CNTN5: variants seen among roughly 807,000 people sequenced by gnomAD.
CNTN5 encodes the protein contactin 5, also known as contactin-5.
In CNTN5, 77 loss-of-function variants were observed where a neutral mutation model predicts 129.1. The ratio of observed to expected loss-of-function variants is 0.60; its 90% CI spans 0.50 to 0.72. The LOEUF (loss-of-function observed/expected upper bound fraction) is 0.72, where lower values mean the gene tolerates loss of function less well. CNTN5 is among the 30% of genes least tolerant of loss of function. The probability of loss-of-function intolerance (pLI) is 0.00; values close to 1 mark genes in which losing one functional copy is unlikely to be tolerated. For synonymous variants in CNTN5, 509 were observed against 465.6 expected (o/e 1.09, Z -1.20); for missense variants, 1,478 against 1,328.8 (o/e 1.11, Z -1.75).
intron 15 of CNTN5, among the ~76,000 whole-genome samples, chr11:100,197,217 T>C (rs373483064): frequency 6.6e-6 from 1 of 151,916 alleles, no homozygotes; most frequent in Non-Finnish European, 1.5e-5. Context: ...AGTGAGGGTG[T>C]ATAGTAGACA....
intron 2 of CNTN5, among the ~76,000 whole-genome samples, chr11:99,433,659 G>A (rs1943489081): frequency 1.3e-5 from 2 of 152,064 alleles, no homozygotes; most frequent in African/African-American, 4.8e-5. Flanking sequence ...ATGAAACAGA[G>A]TGATTCAATA....
chr11:99,377,269 A>T (rs1396471956), intron 2 of CNTN5, among the ~76,000 whole-genome samples: 1 of 151,996 alleles, frequency 6.6e-6, no homozygotes, highest in Non-Finnish European at 1.5e-5. Context: ...TAGTATCTTT[A>T]TATTTTTCTT....
chr11:99,585,572 T>G (rs192690616), intron 3 of CNTN5, among the ~76,000 whole-genome samples: 1 of 152,282 alleles, frequency 6.6e-6, no homozygotes. Flanking sequence ...CATAATTTTA[T>G]TTTTTCAGTA....
intron 1 of CNTN5, among the ~76,000 whole-genome samples, chr11:99,252,216 C>T (rs1475248522): frequency 1.3e-5 from 2 of 151,848 alleles, no homozygotes; most frequent in African/African-American, 4.8e-5. Context: ...TCGTATACAC[C>T]CTTTTTATGC....
chr11:99,674,567 G>C (rs1339026299), intron 3 of CNTN5, among the ~76,000 whole-genome samples: 3 of 152,044 alleles, frequency 2.0e-5, no homozygotes, highest in Non-Finnish European at 4.4e-5. Context: ...CAGAACCTCT[G>C]GTTGCCTTTG....
intron 8 of CNTN5, among the ~76,000 whole-genome samples, chr11:99,970,390 A>T (rs533087694): frequency 3.3e-5 from 5 of 152,308 alleles, no homozygotes; most frequent in African/African-American, 1.2e-4. Context: ...TTTAAACTAC[A>T]ATCTATTTGC....
At chr11:99,461,333 A>G (rs1042090667) in intron 2 of CNTN5, among the ~76,000 whole-genome samples, 14 of 152,180 alleles carry the variant, frequency 9.2e-5, no homozygotes, top group African/African-American at 2.9e-4. Context: ...GAACTGCCGT[A>G]GGTTTGTCGT....
At chr11:100,303,031 C>T (rs916361851) in intron 20 of CNTN5, among the ~76,000 whole-genome samples, 1 of 151,502 alleles carries the variant, frequency 6.6e-6, no homozygotes, top group Non-Finnish European at 1.5e-5. Flanking sequence ...TGCTAACACC[C>T]GTAAGCCTTT....
chr11:99,733,226 G>A (rs558383294), intron 3 of CNTN5, among the ~76,000 whole-genome samples: 1 of 151,714 alleles, frequency 6.6e-6, no homozygotes, highest in South Asian at 2.1e-4. Context: ...GGGAGGCTGA[G>A]GCAGAGAACT....
intron 17 of CNTN5, 83 bp downstream of exon 17, chr11:100,256,001 AT>A (rs1950061434): frequency 1.3e-5 from 15 of 1,177,368 alleles, no homozygotes; most frequent in Middle Eastern, 2.1e-4. Flanking sequence ...TCTTACTATG[AT>A]TTTTTTGGAT....
chr11:100,053,722 A>G (rs1943081124), intron 9 of CNTN5, among the ~76,000 whole-genome samples: 1 of 151,782 alleles, frequency 6.6e-6, no homozygotes. Context: ...TATGCTTTTT[A>G]CTTACCCCAA....
intron 2 of CNTN5, among the ~76,000 whole-genome samples, chr11:99,412,180 A>G (rs921414032): frequency 2.0e-5 from 3 of 152,198 alleles, no homozygotes; most frequent in Admixed American, 1.3e-4. Flanking sequence ...AAGAAGGCAA[A>G]TGACAAAGTT....
intron 13 of CNTN5, among the ~76,000 whole-genome samples, chr11:100,110,960 A>T: frequency 6.6e-6 from 1 of 152,086 alleles, no homozygotes; most frequent in Non-Finnish European, 1.5e-5. Flanking sequence ...AGAGATTTCA[A>T]GTCCTGTCCT....
In CNTN5 at chr11:100,049,379, G is replaced by C. The variant is rs1259789456; in HGVS notation, c.981-11833G>C. Among the ~76,000 whole-genome samples, 3 of 151,726 alleles carry C rather than the reference G, an allele frequency of 2.0e-5. No individual in the cohort carries two copies. The East Asian group carries it at 5.8e-4, about 29-fold the overall frequency. The stretch of plus-strand genomic sequence containing the variant: ...AAACACATAGCACAAAAAACAAAAG[G>C]CTGTATTAAATAAACTAGTATAAGA... On this transcript the variant is annotated intron_variant, in intron 9 of 24. Transcript: ENST00000524871.
intron 2 of CNTN5, among the ~76,000 whole-genome samples, chr11:99,330,165 G>A (rs1177468258): frequency 6.6e-6 from 1 of 150,510 alleles, no homozygotes; most frequent in Non-Finnish European, 1.5e-5. Flanking sequence ...AGGAAGGAAG[G>A]GAGGGAGGGG....
intron 1 of CNTN5, among the ~76,000 whole-genome samples, chr11:99,106,060 GT>G (rs1374585181): frequency 2.0e-5 from 3 of 152,044 alleles, no homozygotes; most frequent in Admixed American, 6.6e-5. Flanking sequence ...GAAAATCTGT[GT>G]TAATTATTTT....
chr11:99,373,711 CAA>C (rs57363059), intron 2 of CNTN5, among the ~76,000 whole-genome samples: 22,251 of 94,872 alleles, frequency 0.23, 1,677 homozygotes, highest in Middle Eastern at 0.33. Flanking sequence ...AACTCCGTCT[CAA>C]AAAAAAAAAA....
At chr11:99,253,897 TTA>T (rs67720359) in intron 1 of CNTN5, among the ~76,000 whole-genome samples, 36,846 of 138,868 alleles carry the variant, frequency 0.27, 4,700 homozygotes, top group Middle Eastern at 0.31. Flanking sequence ...AAATATACGT[TTA>T]TATATATATA....
At chr11:99,076,871 G>A (rs1195011934) in intron 1 of CNTN5, among the ~76,000 whole-genome samples, 1 of 152,158 alleles carries the variant, frequency 6.6e-6, no homozygotes, top group East Asian at 1.9e-4. Flanking sequence ...ATTTTCCAAT[G>A]CTTGAAAATT....
Sources: gnomAD v4.1 joint callset for allele counts (sites outside exome capture counted in the v4.1 genomes callset) on GRCh38, gnomAD v4.1.1 for gene constraint, MANE v1.5 for transcripts, NCBI Gene and HGNC (gene_info 2026-07-23, HGNC 2026-07-21) for gene names.